Variants in TOX observed in about 807,000 individuals in gnomAD.
The protein encoded by TOX is thymocyte selection-associated high mobility group box protein TOX.
Under a neutral mutation model 53.7 loss-of-function variants are expected in TOX, and 11 were observed. The ratio of observed to expected loss-of-function variants is 0.20; its 90% confidence interval spans 0.13 to 0.34. The LOEUF (loss-of-function observed/expected upper bound fraction) is 0.34. Ranked by LOEUF, TOX falls within the 10% of genes least tolerant of loss-of-function variation. The pLI is 1.00. For missense variants in TOX, 570 were observed against 664.6 expected, an observed-to-expected ratio of 0.86 and a Z score of 1.56; for synonymous variants, 225 against 245.3, an observed-to-expected ratio of 0.92 and a Z score of 0.77.
chr8:58,872,781 C>T (rs2594958), intron 3 of TOX, among the ~76,000 whole-genome samples: 69,065 of 151,826 alleles, frequency 0.45, 16,184 homozygotes, highest in African/African-American at 0.56. Context: ...GAGGACTAAA[C>T]GTAATGTGGA....
intron 3 of TOX, among the ~76,000 whole-genome samples, chr8:58,904,957 T>G (rs1260735820): frequency 6.6e-6 from 1 of 152,218 alleles, no homozygotes; most frequent in Non-Finnish European, 1.5e-5. Context: ...ACTGGGGCTC[T>G]TCCCCCTCTG....
At chr8:58,968,465 T>C (rs1406902910) in intron 1 of TOX, among the ~76,000 whole-genome samples, 1 of 152,220 alleles carries the variant, frequency 6.6e-6, no homozygotes, top group African/African-American at 2.4e-5. Flanking sequence ...CTCTGACTTT[T>C]CATGTTTTAG....
Position 58,808,231 on chromosome 8 carries a change from A to G in TOX, c.1431T>C (p.Asn477=). Residue 477 remains asparagine, a synonymous_variant, in exon 8 of 9, where the codon AAT becomes AAC. Transcript: ENST00000361421. The stretch of plus-strand genomic sequence containing the variant: ...CAACTTGTGCAGCTGTAGATGTAGG[A>G]TTGATAATAGTCTGATAGTCGGGTT... ...TLQPDYQTII[N]PTSTAAQVVT... is the part of the protein sequence containing the mutation. 5 of 1,613,932 alleles carry G rather than the reference A, an allele frequency of 3.1e-6. No individual in the cohort carries two copies. The highest frequency in any genetic ancestry group is 4.2e-6 in the Non-Finnish European group (5 of 1,179,920).
chr8:59,053,382 A>C (rs1803829728), intron 1 of TOX, among the ~76,000 whole-genome samples: 1 of 152,190 alleles, frequency 6.6e-6, no homozygotes, highest in Non-Finnish European at 1.5e-5. Flanking sequence ...GTTCTACGGC[A>C]ACCTTGCGCT....
chr8:59,098,135 G>GT (rs1804745017), intron 1 of TOX, among the ~76,000 whole-genome samples: 2 of 152,166 alleles, frequency 1.3e-5, no homozygotes, highest in African/African-American at 4.8e-5. Flanking sequence ...AGCCAAAAAG[G>GT]TGGCCTCACA....
intron 1 of TOX, among the ~76,000 whole-genome samples, chr8:59,083,450 A>T (rs746091238): frequency 2.6e-5 from 4 of 152,246 alleles, no homozygotes; most frequent in African/African-American, 9.6e-5. Context: ...TTGGAAAAAT[A>T]AAATAAAAAT....
chr8:58,825,167 T>C lies in TOX; in HGVS notation c.1005+1655A>G, dbSNP rs77373802. The stretch of plus-strand genomic sequence containing the variant: ...TGTCTAGAAAGTTACAATGCAAATA[T>C]CCACTCACATACAACATTGGAGGGT... On this transcript the variant is annotated intron_variant, in intron 6 of 8. Transcript: ENST00000361421. Among the ~76,000 whole-genome samples, 138 of 152,276 alleles carry C rather than the reference T, an allele frequency of 9.1e-4. 3 individuals carry two copies. The East Asian group carries it at 0.021, about 23-fold the overall frequency.
chr8:59,097,216 G>A (rs1277646320), intron 1 of TOX, among the ~76,000 whole-genome samples: 1 of 152,120 alleles, frequency 6.6e-6, no homozygotes, highest in Admixed American at 6.5e-5. Flanking sequence ...TTGTGTCTGC[G>A]CTGGTGTGAG....
At chr8:58,941,193 C>T (rs1252166296) in intron 2 of TOX, among the ~76,000 whole-genome samples, 5 of 151,998 alleles carry the variant, frequency 3.3e-5, no homozygotes, top group African/African-American at 9.7e-5. Flanking sequence ...TACTTTAGAC[C>T]CTTACAGATC....
chr8:59,108,655 A>AACACACAC (rs3084429), intron 1 of TOX, among the ~76,000 whole-genome samples: 1 of 147,448 alleles, frequency 6.8e-6, no homozygotes, highest in Non-Finnish European at 1.5e-5. Context: ...TCATAAAGGA[A>AACACACAC]ACACACACAC....
At chr8:59,050,167 A>G (rs1803762157) in intron 1 of TOX, among the ~76,000 whole-genome samples, 1 of 152,120 alleles carries the variant, frequency 6.6e-6, no homozygotes, top group Non-Finnish European at 1.5e-5. Flanking sequence ...CATTGTGACA[A>G]TTTATTGCAA....
chr8:58,946,356 G>C (rs955506717), intron 2 of TOX, among the ~76,000 whole-genome samples: 5 of 152,098 alleles, frequency 3.3e-5, no homozygotes, highest in African/African-American at 1.2e-4. Flanking sequence ...AGTTTAAATT[G>C]TGTCAATATA....
chr8:58,821,874 G>A (rs1810281969), intron 6 of TOX, among the ~76,000 whole-genome samples: 1 of 152,164 alleles, frequency 6.6e-6, no homozygotes, highest in African/African-American at 2.4e-5. Flanking sequence ...ACTGCATGAA[G>A]ATATGCAGTT....
rs539985715 is a variant in TOX, at chr8:58,928,616, T to C, written c.411+10686A>G. On this transcript the variant is annotated intron_variant, in intron 3 of 8. Transcript: ENST00000361421. ...TCATAGCCTATTTTCCTTTTCCTGTTAACTTTTCAAGCACTATATATATAT... is the reference window on the plus strand; with the variant it reads ...TCATAGCCTATTTTCCTTTTCCTGTCAACTTTTCAAGCACTATATATATAT... 7.3e-5 allele frequency among the ~76,000 whole-genome samples: 11 copies of C among 150,780 alleles called. No homozygotes were observed. The South Asian group carries it at 2.3e-3, about 32-fold the overall frequency.
intron 1 of TOX, chr8:58,991,952 C>G (rs1013676696): frequency 1.3e-5 from 2 of 152,240 alleles, no homozygotes; most frequent in African/African-American, 4.8e-5. Context: ...TCATCTTGGC[C>G]TCGGCAGGGC....
At chr8:58,821,154 C>A (rs1343568693) in intron 6 of TOX, among the ~76,000 whole-genome samples, 6 of 151,924 alleles carry the variant, frequency 3.9e-5, no homozygotes, top group Admixed American at 6.6e-5. Flanking sequence ...TAGATCATAT[C>A]TTTATAAAGA....
At chr8:58,909,314 C>A (rs533576264) in intron 3 of TOX, among the ~76,000 whole-genome samples, 4 of 152,270 alleles carry the variant, frequency 2.6e-5, no homozygotes, top group South Asian at 2.1e-4. Context: ...ACCTATGTAA[C>A]AGGCCTGCAC....
At chr8:58,824,550 C>T (rs1810336152) in intron 6 of TOX, among the ~76,000 whole-genome samples, 1 of 152,170 alleles carries the variant, frequency 6.6e-6, no homozygotes, top group Admixed American at 6.5e-5. Context: ...CACTGCCTGG[C>T]CAGCTCTTTC....
chr8:58,956,206 CT>C (rs1812704918), intron 2 of TOX, among the ~76,000 whole-genome samples: 1 of 152,176 alleles, frequency 6.6e-6, no homozygotes, highest in African/African-American at 2.4e-5. Context: ...ACATTTATAT[CT>C]TAACAACAGC....
Sources: allele counts gnomAD v4.1 joint callset (sites outside exome capture counted in the v4.1 genomes callset), GRCh38; gene constraint gnomAD v4.1.1; transcripts MANE v1.5; gene names NCBI Gene and HGNC (gene_info 2026-07-23, HGNC 2026-07-21).